HPSE2: variants seen among roughly 807,000 people sequenced by gnomAD.
HPSE2 encodes heparanase 2 (inactive).
A neutral mutation model predicts 60.5 loss-of-function variants in HPSE2; 38 were observed. The ratio of observed to expected loss-of-function variants is 0.63; its 90% CI spans 0.48 to 0.82. The LOEUF (loss-of-function observed/expected upper bound fraction) is 0.82. HPSE2 is among the 40% of genes least tolerant of loss of function. The probability of loss-of-function intolerance (pLI) is 0.00; values close to 1 mark genes in which losing one functional copy is unlikely to be tolerated. For synonymous variants in HPSE2, 295 were observed against 293.2 expected (o/e 1.01, Z -0.06); for missense variants, 713 against 740.4 (o/e 0.96, Z 0.43).
chr10:98,656,082 GTTTT>G (rs34294462), intron 6 of HPSE2, among the ~76,000 whole-genome samples: 1 of 140,842 alleles, frequency 7.1e-6, no homozygotes, highest in African/African-American at 2.6e-5. Context: ...TCCTATTTGA[GTTTT>G]TTTTTTTTTT....
chr10:99,071,868 T>C (rs957747736), intron 3 of HPSE2, among the ~76,000 whole-genome samples: 54 of 152,232 alleles, frequency 3.5e-4, no homozygotes, highest in African/African-American at 1.2e-3. Context: ...TGAAGATAGG[T>C]TGACTGTAAA....
chr10:98,495,658 T>C (rs1941811373), intron 9 of HPSE2, among the ~76,000 whole-genome samples: 1 of 152,154 alleles, frequency 6.6e-6, no homozygotes, highest in African/African-American at 2.4e-5. Context: ...AATTTGCCTT[T>C]GAATTCCTCT....
chr10:99,187,025 C>G (rs1420011838), intron 2 of HPSE2, among the ~76,000 whole-genome samples: 1 of 152,094 alleles, frequency 6.6e-6, no homozygotes, highest in Non-Finnish European at 1.5e-5. Context: ...CTCAAGCAAT[C>G]CCCAAACCTC....
intron 3 of HPSE2, chr10:98,924,508 A>T (rs549536431): frequency 1.3e-4 from 20 of 152,218 alleles, no homozygotes; most frequent in African/African-American, 4.3e-4. Flanking sequence ...TGGAGGGAAA[A>T]ATAGGAAGGA....
chr10:98,920,587 T>C (rs1003065638), intron 3 of HPSE2, among the ~76,000 whole-genome samples: 3 of 152,120 alleles, frequency 2.0e-5, no homozygotes, highest in African/African-American at 7.2e-5. Context: ...GCCCAGTGTT[T>C]AACAGCCCTC....
intron 3 of HPSE2, among the ~76,000 whole-genome samples, chr10:99,082,938 TAAAAG>T: frequency 6.6e-6 from 1 of 152,254 alleles, no homozygotes; most frequent in South Asian, 2.1e-4. Flanking sequence ...TAGAAATACA[TAAAAG>T]AAGAGAACAG....
At chr10:98,913,800 A>C (rs1218812304) in intron 3 of HPSE2, among the ~76,000 whole-genome samples, 1 of 152,220 alleles carries the variant, frequency 6.6e-6, no homozygotes, top group African/African-American at 2.4e-5. Context: ...AAAAATTTAA[A>C]AGCAGATTTC....
the HPSE2 span, among the ~76,000 whole-genome samples, chr10:99,293,955 T>C: frequency 6.6e-6 from 1 of 152,106 alleles, no homozygotes; most frequent in Non-Finnish European, 1.5e-5. Context: ...CAAATTCTTG[T>C]CCAGGTCCAG....
At chr10:99,288,325 C>T in the HPSE2 span, among the ~76,000 whole-genome samples, 23 of 152,124 alleles carry the variant, frequency 1.5e-4, no homozygotes, top group Non-Finnish European at 2.9e-4. Context: ...ACATAAGTTC[C>T]ATGTGTGATT....
intron 2 of HPSE2, among the ~76,000 whole-genome samples, chr10:99,218,192 A>G (rs1589834176): frequency 6.6e-6 from 1 of 151,808 alleles, no homozygotes; most frequent in East Asian, 2.0e-4. Flanking sequence ...TAACTGCCAC[A>G]GTCAAAGAAC....
chr10:99,147,000 T>C (rs1846081181), intron 2 of HPSE2, among the ~76,000 whole-genome samples: 1 of 152,274 alleles, frequency 6.6e-6, no homozygotes, highest in Non-Finnish European at 1.5e-5. Flanking sequence ...TCTTAATTTC[T>C]TGTCATGAGA....
rs78935940 is a variant in HPSE2, at chr10:99,235,748, G to C, written c.55C>G (p.Pro19Ala). Reference protein sequence around the residue: ...EAMPSSNSRPPACLAPGALYL... With the variant: ...EAMPSSNSRPAACLAPGALYL... ...AGAGCCCCCGGGGCTAGGCACGCGG[G>C]GGGGCGGGAGTTGCTGGAGGGCATG... The change falls in exon 1 of 12, where the codon CCC (proline) becomes GCC (alanine). Residue 19 changes from proline (P) to alanine (A), a missense_variant. By Grantham distance (27) the Pro-to-Ala change is conservative (BLOSUM62 -1). Coordinates refer to ENST00000370552, the MANE Select transcript of HPSE2 (RefSeq NM_021828.5). The C allele has an allele frequency of 7.9e-5, 127 of 1,613,984 alleles. No homozygotes were observed. The highest frequency in any genetic ancestry group is 4.7e-4 in the African/African-American group (35 of 74,988).
intron 9 of HPSE2, among the ~76,000 whole-genome samples, chr10:98,586,406 A>T (rs374813109): frequency 1.3e-5 from 2 of 152,226 alleles, no homozygotes; most frequent in Non-Finnish European, 2.9e-5. Flanking sequence ...CGACATTCAC[A>T]TAGGCCACTA....
intron 9 of HPSE2, among the ~76,000 whole-genome samples, chr10:98,490,683 G>A (rs890156742): frequency 6.6e-6 from 1 of 152,126 alleles, no homozygotes; most frequent in African/African-American, 2.4e-5. Flanking sequence ...AGTGCAGTGG[G>A]ACTGAGGTGA....
the HPSE2 span, among the ~76,000 whole-genome samples, chr10:99,300,594 A>G: frequency 6.6e-6 from 1 of 152,204 alleles, no homozygotes; most frequent in Non-Finnish European, 1.5e-5. Flanking sequence ...ATGGGGAGAC[A>G]CTTACTTTCC....
intron 2 of HPSE2, among the ~76,000 whole-genome samples, chr10:99,191,754 A>G (rs1848230185): frequency 6.6e-6 from 1 of 152,200 alleles, no homozygotes; most frequent in Non-Finnish European, 1.5e-5. Flanking sequence ...AACATCCAGG[A>G]AAATATGACC....
Position 99,144,370 on chromosome 10 carries a change from T to C in HPSE2, c.478A>G (p.Lys160Glu). ...TGGGCAATCTTGCAGCCTTTCTGTT[T>C]ATCTAAGGCAACATCACTTCGAACA... ...DIVRSDVALD[K>E]QKGCKIAQHP... The change falls in exon 3 of 12, where the codon AAA (lysine) becomes GAA (glutamate). Residue 160 changes from lysine (K) to glutamate (E), a missense_variant. By Grantham distance (56) the Lys-to-Glu change is moderately conservative. Transcript: ENST00000370552. 7 of 1,613,954 alleles carry C rather than the reference T, an allele frequency of 4.3e-6. No individual in the cohort carries two copies. Among genetic ancestry groups the C allele is most frequent in the Non-Finnish European group, 5.1e-6 (6 of 1,179,974 alleles).
At chr10:99,165,300 T>C (rs926523653) in intron 2 of HPSE2, among the ~76,000 whole-genome samples, 2 of 152,032 alleles carry the variant, frequency 1.3e-5, no homozygotes. Context: ...CTTTTTTCTT[T>C]AGCCTTACAG....
At chr10:98,857,446 G>A (rs1180662837) in intron 3 of HPSE2, among the ~76,000 whole-genome samples, 3 of 152,126 alleles carry the variant, frequency 2.0e-5, no homozygotes, top group Non-Finnish European at 4.4e-5. Flanking sequence ...TTCTAGAGCT[G>A]GAAATATCTC....
Sources: gnomAD v4.1 joint callset for allele counts (sites outside exome capture counted in the v4.1 genomes callset) on GRCh38, gnomAD v4.1.1 for gene constraint, MANE v1.5 for transcripts, NCBI Gene and HGNC (gene_info 2026-07-23, HGNC 2026-07-21) for gene names.